COL20A1: variants seen among roughly 807,000 people sequenced by gnomAD.
The protein encoded by COL20A1 is collagen alpha-1(XX) chain.
In COL20A1, 164 loss-of-function variants were observed where a neutral mutation model predicts 152.9. That is an observed-to-expected ratio of 1.07 (90% CI 0.94 to 1.22). The LOEUF (loss-of-function observed/expected upper bound fraction) is 1.22. Among genes scored for constraint, COL20A1 ranks in the 50% most tolerant of loss-of-function variants. The probability of loss-of-function intolerance (pLI) is 0.00; values close to 1 mark genes in which losing one functional copy is unlikely to be tolerated. For synonymous variants in COL20A1, 864 were observed against 756.0 expected (o/e 1.14, Z -2.34); for missense variants, 1,873 against 1,744.8 (o/e 1.07, Z -1.31).
intron 16 of COL20A1, 34 bp downstream of exon 16, chr20:63,312,968 C>T: frequency 6.5e-7 from 1 of 1,527,412 alleles, no homozygotes; most frequent in South Asian, 1.2e-5. Flanking sequence ...TCCGAGGGGC[C>T]CCCCGTGGGC....
At chr20:63,308,478 G>A in intron 7 of COL20A1, 64 bp from the exon 8 acceptor site, 2 of 1,431,824 alleles carry the variant, frequency 1.4e-6, no homozygotes, top group Non-Finnish European at 1.9e-6. Context: ...TCCGGTTGCT[G>A]CCAGCCGAGC....
Position 63,328,350 on chromosome 20 carries a change from C to T in COL20A1, c.3633C>T (p.Asp1211=), listed in dbSNP as rs754536950. The stretch of plus-strand genomic sequence containing the variant: ...CCACAGCACACGTGTCAAAGTTCGA[C>T]TCCTTCCACGAGAACACCAGGCCCC... ...VSQASHVSKF[D]SFHENTRPPM... Residue 1211 remains aspartate (D), a synonymous_variant, in exon 34 of 36, where the codon GAC becomes GAT. Coordinates refer to ENST00000358894, the MANE Select transcript of COL20A1 (RefSeq NM_020882.4). 1.1e-5 allele frequency: 17 copies of T among 1,612,324 alleles called. No individual in the cohort carries two copies. The South Asian group carries it at 1.9e-4, about 18-fold the overall frequency.
intron 21 of COL20A1, among the ~76,000 whole-genome samples, chr20:63,317,386 C>T (rs2068097807): frequency 6.7e-6 from 1 of 150,096 alleles, no homozygotes; most frequent in Non-Finnish European, 1.5e-5. Context: ...GCATGTCTGT[C>T]TCAGGAGACG....
Position 63,319,093 on chromosome 20 carries a change from C to A in COL20A1, c.2699C>A (p.Thr900Asn). The A allele has an allele frequency of 6.2e-7, 1 of 1,612,548 alleles. No homozygotes were observed. Among genetic ancestry groups the A allele is most frequent in the Non-Finnish European group, 8.5e-7 (1 of 1,179,086 alleles). The change falls in exon 22 of 36, where the codon ACC (threonine) becomes AAC (asparagine). Residue 900 changes from threonine to asparagine, a missense_variant. Thr to Asn is a moderately conservative substitution (Grantham distance 65). Coordinates refer to ENST00000358894, the MANE Select transcript of COL20A1 (RefSeq NM_020882.4). The surrounding 1 kb of genome is among the most constrained non-coding windows in gnomAD (Gnocchi z 4.4). ...VYPAPLPPEH[T>N]IVFLVRLLPE... Reference sequence around the variant, plus strand: ...CCAGCCCCCCTACCTCCAGAGCACACCATCGTCTTCCTTGTGCGCCTACTT... The same window carrying A: ...CCAGCCCCCCTACCTCCAGAGCACAACATCGTCTTCCTTGTGCGCCTACTT...
rs145173988 is a variant in COL20A1 at position 63,319,145 on chromosome 20, G to A, written c.2751G>A (p.Ala917=). The A allele has an allele frequency of 4.8e-4, 780 of 1,612,942 alleles. No individual in the cohort carries two copies. Among genetic ancestry groups the A allele is most frequent in the Middle Eastern group, 8.3e-4 (5 of 6,056 alleles). The change falls in exon 22 of 36, where the codon GCG becomes GCA. Residue 917 remains alanine, a synonymous_variant. Coordinates refer to ENST00000358894, the MANE Select transcript of COL20A1 (RefSeq NM_020882.4). The surrounding 1 kb of genome is among the most constrained non-coding windows in gnomAD (Gnocchi z 4.4). ...CCGAGACACCCCGTGAGGCCTTCGC[G>A]CTGTGGCAGATGACAGCCGAGGACT... is the stretch of plus-strand genomic sequence containing the variant. The part of the protein sequence containing the change: ...LLPETPREAF[A]LWQMTAEDFQ...
intron 2 of COL20A1, among the ~76,000 whole-genome samples, chr20:63,296,274 A>G (rs755164427): frequency 6.6e-6 from 1 of 152,278 alleles, no homozygotes; most frequent in Non-Finnish European, 1.5e-5. Flanking sequence ...GTTTGAAAGA[A>G]GCTTGCACTG....
chr20:63,309,520 C>T lies in COL20A1; in HGVS notation c.1105+23C>T, dbSNP rs971163035. The T allele has an allele frequency of 3.4e-6, 5 of 1,481,034 alleles. No individual in the cohort carries two copies. The Admixed American group carries it at 7.0e-5, about 21-fold the overall frequency. 91.7% of individuals were successfully genotyped at this position (1,481,034 alleles called of 1,614,324 possible). ...CAGGTGAGGGGCAGGGTCACCCGCA[C>T]AGGCTGCAGCCCCCCCGGCTGCTTT... On this transcript the variant is annotated intron_variant, in intron 9 of 35. Transcript: ENST00000358894.
intron 11 of COL20A1, among the ~76,000 whole-genome samples, chr20:63,310,791 C>T (rs573819279): frequency 2.0e-5 from 3 of 152,126 alleles, no homozygotes; most frequent in African/African-American, 4.8e-5. Flanking sequence ...GGAGCTCCCC[C>T]CTGCTTGGCC....
chr20:63,308,595 C>A lies in COL20A1; in HGVS notation c.829C>A (p.Arg277Ser). 1 of 1,605,318 alleles carries A rather than the reference C, an allele frequency of 6.2e-7. No homozygotes were observed. Among genetic ancestry groups the A allele is most frequent in the East Asian group, 2.2e-5 (1 of 44,458 alleles). Residue 277 changes from arginine (R) to serine (S), a missense_variant, in exon 8 of 36, where the codon CGT becomes AGT. By Grantham distance (110) the Arg-to-Ser change is moderately radical. Transcript: ENST00000358894. The part of the protein sequence containing the change: ...GQNLQPAAGL[R>S]PEAAKVVILV... Reference sequence around the variant, plus strand: ...GAACCTGCAGCCGGCGGCTGGCCTCCGTCCAGAGGCAGCCAAGGTGGTGAT... The same window carrying A: ...GAACCTGCAGCCGGCGGCTGGCCTCAGTCCAGAGGCAGCCAAGGTGGTGAT...
intron 28 of COL20A1, 24 bp from the exon 29 acceptor site, chr20:63,325,644 G>T (rs745632372): frequency 3.2e-5 from 51 of 1,598,406 alleles, no homozygotes; most frequent in Non-Finnish European, 4.2e-5. Context: ...CCCCTGCCTG[G>T]CCGGCCCCTC....
chr20:63,322,652 C>G (rs2068182267), intron 27 of COL20A1, among the ~76,000 whole-genome samples: 2 of 152,242 alleles, frequency 1.3e-5, no homozygotes, highest in African/African-American at 2.4e-5. Flanking sequence ...GCAGCAGCCC[C>G]CCACCCCAGG....
In COL20A1 at chr20:63,313,709, GCC is replaced by G. The variant is rs2068046550; in HGVS notation, c.2210-33_2210-32del. On this transcript the variant is annotated intron_variant, in intron 17 of 35. Transcript: ENST00000358894. The surrounding 1 kb of genome is among the most constrained non-coding windows in gnomAD (Gnocchi z 5.9). ...CACCGGGTGCCTCCTTTCTGGAGGG[GCC>G]TGAGCCCCACACAACCCATGCTCTC... 1 of 1,538,406 alleles carries G rather than the reference GCC, an allele frequency of 6.5e-7. No homozygotes were observed. The highest frequency in any genetic ancestry group is 8.7e-7 in the Non-Finnish European group (1 of 1,146,504).
At chr20:63,326,188 G>A (rs1308660184) in intron 30 of COL20A1, 39 bp downstream of exon 30, 9 of 1,552,800 alleles carry the variant, frequency 5.8e-6, no homozygotes, top group South Asian at 4.5e-5. Flanking sequence ...CCCCACCCAG[G>A]GTTCCTGTGT....
Position 63,313,047 on chromosome 20 carries a change from C to G in COL20A1, c.2077-70C>G, listed in dbSNP as rs1209451007. ...CGCCCACCCTGTCTCCCAGGGATGC[C>G]TCACTGCCCGGCCCCCCAACCTGAG... On this transcript the variant is annotated intron_variant, in intron 16 of 35. Coordinates refer to ENST00000358894, the MANE Select transcript of COL20A1 (RefSeq NM_020882.4). The surrounding 1 kb of genome is among the most constrained non-coding windows in gnomAD (Gnocchi z 5.9). The G allele has an allele frequency of 5.1e-6, 8 of 1,555,830 alleles. No homozygotes were observed. The African/African-American group carries it at 9.6e-5, about 19-fold the overall frequency.
chr20:63,314,253 C>G (rs1210074031), intron 19 of COL20A1, 52 bp downstream of exon 19: 11 of 1,498,570 alleles, frequency 7.3e-6, no homozygotes, highest in Non-Finnish European at 1.0e-5. Context: ...CCAGCCGGGC[C>G]CTAGACCCCA....
chr20:63,295,304 G>C (rs894793408), intron 2 of COL20A1, 115 bp downstream of exon 2: 2 of 671,362 alleles, frequency 3.0e-6, no homozygotes. Flanking sequence ...AGTTGAATGC[G>C]TGCTGAATTC....
chr20:63,305,733 C>A lies in COL20A1; in HGVS notation c.338-148C>A. On this transcript the variant is annotated intron_variant, in intron 4 of 35. Coordinates refer to ENST00000358894, the MANE Select transcript of COL20A1 (RefSeq NM_020882.4). The surrounding 1 kb of genome is among the most constrained non-coding windows in gnomAD (Gnocchi z 4.9). ...TTCAAGTCCCGACTCACCAGCAAGGCTGCCTTGCCCCTGACATCTTTGCAT... is the reference window on the plus strand; with the variant it reads ...TTCAAGTCCCGACTCACCAGCAAGGATGCCTTGCCCCTGACATCTTTGCAT... The A allele has an allele frequency of 9.3e-7, 1 of 1,070,888 alleles. No individual in the cohort carries two copies. Among genetic ancestry groups the A allele is most frequent in the Non-Finnish European group, 1.3e-6 (1 of 744,310 alleles). 66.3% of individuals were successfully genotyped at this position (1,070,888 alleles called of 1,614,324 possible).
At chr20:63,317,726 C>A (rs924631648) in intron 21 of COL20A1, among the ~76,000 whole-genome samples, 3 of 151,976 alleles carry the variant, frequency 2.0e-5, no homozygotes, top group South Asian at 2.1e-4. Flanking sequence ...TCCCTCCCCC[C>A]AGTCTTGCTG....
intron 9 of COL20A1, 25 bp from the exon 10 acceptor site, chr20:63,309,733 C>T (rs1456878631): frequency 6.5e-7 from 1 of 1,529,202 alleles, no homozygotes. Context: ...TGACCACCTG[C>T]CCCCCACTCC....
Sources: allele counts gnomAD v4.1 joint callset (sites outside exome capture counted in the v4.1 genomes callset), GRCh38; gene constraint gnomAD v4.1.1; non-coding constraint Gnocchi (gnomAD v3.1); transcripts MANE v1.5; gene names NCBI Gene and HGNC (gene_info 2026-07-23, HGNC 2026-07-21).